ZFHX3: variants seen among roughly 807,000 people sequenced by gnomAD.
ZFHX3 encodes zinc finger homeobox 3, also known as zinc finger homeobox protein 3.
Under a neutral mutation model 279.1 loss-of-function variants are expected in ZFHX3, and 42 were observed. That is an observed-to-expected ratio of 0.15 (90% CI 0.12 to 0.19). The LOEUF (loss-of-function observed/expected upper bound fraction) is 0.19, where lower values mean the gene tolerates loss of function less well. Ranked by LOEUF, ZFHX3 falls within the 10% of genes least tolerant of loss-of-function variation. The pLI, the probability that ZFHX3 is intolerant of heterozygous loss-of-function variation, is 1.00. For missense variants in ZFHX3, 4,981 were observed against 4,754.0 expected (o/e 1.05, Z -1.40); for synonymous variants, 2,293 against 1,957.8 (o/e 1.17, Z -4.52).
intron 3 of ZFHX3, among the ~76,000 whole-genome samples, chr16:72,943,456 C>T (rs1960510244): frequency 6.6e-6 from 1 of 152,036 alleles, no homozygotes; most frequent in Non-Finnish European, 1.5e-5. Flanking sequence ...TCACTTGAAC[C>T]CAGAGGCGGA....
intron 7 of ZFHX3, chr16:72,807,834 C>G (rs2036316700): frequency 6.6e-6 from 1 of 152,210 alleles, no homozygotes; most frequent in East Asian, 1.9e-4. Flanking sequence ...GCAACTAACT[C>G]AGTCAACCCA....
chr16:72,881,386 A>AC (rs1262897822), intron 4 of ZFHX3, among the ~76,000 whole-genome samples: 1 of 51,274 alleles, frequency 2.0e-5, no homozygotes, highest in Non-Finnish European at 5.2e-5. Flanking sequence ...TCAATGTTTG[A>AC]AAAAAATAAT....
At chr16:73,586,200 C>A (rs557801211) in intron 2 of ZFHX3, among the ~76,000 whole-genome samples, 22 of 151,824 alleles carry the variant, frequency 1.4e-4, no homozygotes, top group Non-Finnish European at 2.9e-4. Context: ...ATGAGCCTGG[C>A]CAACATGGTG....
chr16:73,359,422 C>T (rs10781974), intron 3 of ZFHX3, among the ~76,000 whole-genome samples: 71,036 of 151,974 alleles, frequency 0.47, 20,045 homozygotes, highest in Non-Finnish European at 0.63. Context: ...GAAATTTACA[C>T]ACCATCGGCA....
intron 4 of ZFHX3, among the ~76,000 whole-genome samples, chr16:73,280,241 A>G (rs1449372519): frequency 6.6e-6 from 1 of 152,252 alleles, no homozygotes; most frequent in African/African-American, 2.4e-5. Context: ...AAAAGCAAAA[A>G]TAAACAAGTG....
intron 8 of ZFHX3, among the ~76,000 whole-genome samples, chr16:73,087,385 A>C (rs1475548075): frequency 6.6e-6 from 1 of 152,226 alleles, no homozygotes; most frequent in African/African-American, 2.4e-5. Flanking sequence ...TTTTCAGGCT[A>C]ACTCCAGGAA....
rs192903676 is a variant in ZFHX3 at position 73,298,105 on chromosome 16, T to A, written c.-1194+20135A>T. Among the ~76,000 whole-genome samples the A allele has an allele frequency of 2.6e-5, 4 of 151,616 alleles. No individual in the cohort carries two copies. The South Asian group carries it at 6.3e-4, about 24-fold the overall frequency. ...ACCTGGGAGGCTGAGGTAGGAGGAG[T>A]GCTTGAGTCTAGGAGTTTGAGGTTA... On this transcript the variant is annotated intron_variant, in intron 4 of 17. Coordinates refer to the ZFHX3 transcript ENST00000641206.
chr16:73,344,083 C>T (rs1342295610), intron 3 of ZFHX3, among the ~76,000 whole-genome samples: 1 of 152,128 alleles, frequency 6.6e-6, no homozygotes, highest in African/African-American at 2.4e-5. Context: ...AATATCTCTC[C>T]ACAATTTCTT....
chr16:73,869,622 G>A (rs551727359), intron 1 of ZFHX3, among the ~76,000 whole-genome samples: 2 of 152,318 alleles, frequency 1.3e-5, no homozygotes, highest in African/African-American at 4.8e-5. Context: ...AGAAATAGGC[G>A]CTTACATATA....
At chr16:73,285,512 T>G (rs1003020660) in intron 4 of ZFHX3, among the ~76,000 whole-genome samples, 7 of 152,206 alleles carry the variant, frequency 4.6e-5, no homozygotes, top group Non-Finnish European at 1.5e-5. Context: ...CTCTGTGGGG[T>G]GTGTCAGGAC....
chr16:73,369,875 C>T (rs1298027960), intron 3 of ZFHX3, among the ~76,000 whole-genome samples: 1 of 150,680 alleles, frequency 6.6e-6, no homozygotes, highest in African/African-American at 2.4e-5. Flanking sequence ...TCAACTATTA[C>T]AGTCAAAGCA....
rs780252867 is a variant in ZFHX3 at position 72,795,193 on chromosome 16, A to C, written c.7489T>G (p.Ser2497Ala). ...GAGAGCTGGGAAGGACTGGGGCTCG[A>C]CTGGGGTAAGGGGCACTGTGGAGGG... is the stretch of plus-strand genomic sequence containing the variant. Reference protein sequence around the residue: ...APPPQCPLPQSSPSPSQLSHL... With the variant: ...APPPQCPLPQASPSPSQLSHL... The change falls in exon 9 of 10, where the codon TCG (serine) becomes GCG (alanine). Residue 2497 changes from serine (S) to alanine (A), a missense_variant. Around this residue, in one of 7 missense-constraint regions of ZFHX3, gnomAD observed 744 missense variants for 701.3 expected, o/e 1.06. Coordinates refer to ENST00000268489, the MANE Select transcript of ZFHX3 (RefSeq NM_006885.4). 1.2e-6 allele frequency: 2 copies of C among 1,606,066 alleles called. No homozygotes were observed. The highest frequency in any genetic ancestry group is 1.7e-6 in the Non-Finnish European group (2 of 1,175,938).
intron 3 of ZFHX3, among the ~76,000 whole-genome samples, chr16:73,408,763 G>C (rs1433049126): frequency 6.6e-6 from 1 of 152,034 alleles, no homozygotes; most frequent in Non-Finnish European, 1.5e-5. Flanking sequence ...CAGGGTCTGA[G>C]CCCTTGCTCA....
chr16:73,056,048 AC>A lies in ZFHX3; in HGVS notation c.-24+2481del, dbSNP rs370680773. 1.6e-3 allele frequency among the ~76,000 whole-genome samples: 236 copies of A among 152,208 alleles called. 2 individuals carry two copies. In the Middle Eastern group the frequency reaches 0.034, roughly 22 times the overall value. ...CAGCATTAAGTAATTAAAAACTAAAACCCGAGGAGGGGGAAGGGAGACACAC... is the reference window on the plus strand; with the variant it reads ...CAGCATTAAGTAATTAAAAACTAAAACCGAGGAGGGGGAAGGGAGACACAC... On this transcript the variant is annotated intron_variant, in intron 1 of 8. Coordinates refer to the ZFHX3 transcript ENST00000397992.
chr16:73,371,890 C>T (rs1160276433), intron 3 of ZFHX3, among the ~76,000 whole-genome samples: 1 of 152,228 alleles, frequency 6.6e-6, no homozygotes, highest in Non-Finnish European at 1.5e-5. Flanking sequence ...CCCCTCTGGG[C>T]AAGCAGTTAA....
chr16:73,004,395 C>G (rs531047025), intron 1 of ZFHX3, among the ~76,000 whole-genome samples: 3 of 130,114 alleles, frequency 2.3e-5, no homozygotes, highest in Non-Finnish European at 4.7e-5. Context: ...GTGGTGCAAT[C>G]TCGGCTCACT....
chr16:73,149,117 T>G (rs931609063), intron 5 of ZFHX3, among the ~76,000 whole-genome samples: 1 of 148,678 alleles, frequency 6.7e-6, no homozygotes, highest in Admixed American at 6.7e-5. Context: ...GTTGATATTT[T>G]ATATAATTAC....
chr16:72,821,082 G>A (rs534842267), intron 5 of ZFHX3, among the ~76,000 whole-genome samples: 6 of 152,320 alleles, frequency 3.9e-5, no homozygotes, highest in Middle Eastern at 3.4e-3. Context: ...AAGTGAACTT[G>A]TGAACATAAA....
At chr16:73,256,184 T>C (rs1328356515) in intron 5 of ZFHX3, among the ~76,000 whole-genome samples, 5 of 152,142 alleles carry the variant, frequency 3.3e-5, no homozygotes, top group African/African-American at 1.2e-4. Flanking sequence ...TGTCATTCAA[T>C]TGCAGTCAAG....
Sources: allele counts gnomAD v4.1 joint callset (sites outside exome capture counted in the v4.1 genomes callset), GRCh38; gene constraint gnomAD v4.1.1; regional missense constraint gnomAD v4.1.1; transcripts MANE v1.5; gene names NCBI Gene and HGNC (gene_info 2026-07-23, HGNC 2026-07-21).